Variants in ADGRF3 observed in about 807,000 individuals in gnomAD.
The protein encoded by ADGRF3 is adhesion G protein-coupled receptor F3, also known as G protein-coupled receptor 113.
In ADGRF3, 85 loss-of-function variants were observed where a neutral mutation model predicts 93.2. The ratio of observed to expected loss-of-function variants is 0.91; its 90% CI spans 0.77 to 1.09. The LOEUF (loss-of-function observed/expected upper bound fraction) is 1.09. Ranked by LOEUF, ADGRF3 falls within the 50% of genes least tolerant of loss-of-function variation. ADGRF3 has a pLI of 0.00. For synonymous variants in ADGRF3, 534 were observed against 532.5 expected (o/e 1.00, Z -0.04); for missense variants, 1,125 against 1,246.2 (o/e 0.90, Z 1.46).
chr2:26,330,990 C>A (rs551303486), intron 1 of ADGRF3, among the ~76,000 whole-genome samples: 5 of 152,132 alleles, frequency 3.3e-5, no homozygotes, highest in Non-Finnish European at 7.3e-5. Context: ...TGGGCCCCTG[C>A]GTCTCACAAT....
chr2:26,311,311 TAGG>T lies in ADGRF3; in HGVS notation c.2210_2212del (p.Ser737del). ...GTTGAGCAGGGCGGCGTGGCGGAAA[TAGG>T]AGATCTTGTTCCGCACCACGACTCT... On this transcript the variant is annotated inframe_deletion, in exon 10 of 14. Transcript: ENST00000651242. The T allele has an allele frequency of 1.2e-6, 2 of 1,613,620 alleles. No homozygotes were observed. The highest frequency in any genetic ancestry group is 2.2e-5 in the East Asian group (1 of 44,858).
chr2:26,322,030 C>T (rs1675177849), intron 1 of ADGRF3, among the ~76,000 whole-genome samples: 1 of 150,178 alleles, frequency 6.7e-6, no homozygotes, highest in Admixed American at 6.6e-5. Flanking sequence ...CCTGTAATCC[C>T]AGCACTACAC....
chr2:26,316,867 G>C (rs776606203), intron 3 of ADGRF3, 45 bp downstream of exon 3: 1 of 1,558,336 alleles, frequency 6.4e-7, no homozygotes, highest in Admixed American at 2.1e-5. Flanking sequence ...AGGCCCGGGA[G>C]CCTATGTTCA....
chr2:26,338,951 C>A (rs1000421618), intron 1 of ADGRF3, among the ~76,000 whole-genome samples: 1 of 149,620 alleles, frequency 6.7e-6, no homozygotes. Context: ...TCCTGGCCAA[C>A]ATGGTGAAAT....
chr2:26,311,510 T>C lies in ADGRF3; in HGVS notation c.2014A>G (p.Ser672Gly), dbSNP rs1674128442. The C allele has an allele frequency of 6.2e-7, 1 of 1,613,890 alleles. No homozygotes were observed. Among genetic ancestry groups the C allele is most frequent in the Non-Finnish European group, 8.5e-7 (1 of 1,179,888 alleles). Reference sequence around the variant, plus strand: ...AGGCACTGAGCAGTGGGGCTGGCACTGGCCACCTGTGCCTGGCACCCTTCT... The same window carrying C: ...AGGCACTGAGCAGTGGGGCTGGCACCGGCCACCTGTGCCTGGCACCCTTCT... ...SKEGCQAQVA[S>G]ASPTAQCLCQ... The change falls in exon 10 of 14, where the codon AGT becomes GGT. Residue 672 changes from serine to glycine, a missense_variant. By Grantham distance (56) the Ser-to-Gly change is moderately conservative. Coordinates refer to ENST00000651242, the MANE Select transcript of ADGRF3 (RefSeq NM_001321971.2).
intron 13 of ADGRF3, 73 bp downstream of exon 13, chr2:26,309,453 G>T (rs1673841406): frequency 2.5e-6 from 4 of 1,569,240 alleles, no homozygotes; most frequent in Non-Finnish European, 3.5e-6. Flanking sequence ...CCAGCACTTT[G>T]CCAGGAGGCC....
intron 1 of ADGRF3, 140 bp from the exon 2 acceptor site, chr2:26,317,702 G>A (rs1490731311): frequency 1.3e-6 from 1 of 783,370 alleles, no homozygotes; most frequent in Non-Finnish European, 2.1e-6. Context: ...ATCAGGAAGG[G>A]AAAGCAGGCT....
At chr2:26,338,662 A>C (rs1157447781) in intron 1 of ADGRF3, among the ~76,000 whole-genome samples, 2 of 152,008 alleles carry the variant, frequency 1.3e-5, no homozygotes, top group Non-Finnish European at 2.9e-5. Flanking sequence ...GGGTTTCTCC[A>C]TGTTGGCCAG....
At chr2:26,318,823 C>T in intron 1 of ADGRF3, 1 of 1,362,486 alleles carries the variant, frequency 7.3e-7, no homozygotes, top group African/African-American at 1.4e-5. Context: ...ACAAAGCATC[C>T]ACTTTCCTTA....
At chr2:26,312,172 G>T in intron 9 of ADGRF3, 98 bp from the exon 10 acceptor site, 1 of 1,219,170 alleles carries the variant, frequency 8.2e-7, no homozygotes, top group Non-Finnish European at 1.1e-6. Flanking sequence ...TCCCTTCCCA[G>T]TCCAGTGTGC....
intron 1 of ADGRF3, among the ~76,000 whole-genome samples, chr2:26,322,053 G>A (rs538629918): frequency 6.6e-6 from 1 of 150,416 alleles, no homozygotes; most frequent in Non-Finnish European, 1.5e-5. Flanking sequence ...TGGAGGCCAA[G>A]GTGGGCAGAT....
intron 1 of ADGRF3, among the ~76,000 whole-genome samples, chr2:26,331,629 C>A (rs894393931): frequency 2.0e-5 from 3 of 152,084 alleles, no homozygotes; most frequent in Non-Finnish European, 4.4e-5. Flanking sequence ...ACTTGGGAGG[C>A]GGAGGTGGGA....
At chr2:26,341,238 G>A (rs1676379572) in intron 1 of ADGRF3, among the ~76,000 whole-genome samples, 1 of 152,162 alleles carries the variant, frequency 6.6e-6, no homozygotes, top group Non-Finnish European at 1.5e-5. Flanking sequence ...AATTAGCCAG[G>A]CATGGTGGCG....
rs970569253 is a variant in ADGRF3 at position 26,313,408 on chromosome 2, G to A, written c.1238C>T (p.Ala413Val). 35 of 1,604,184 alleles carry A rather than the reference G, an allele frequency of 2.2e-5. No homozygotes were observed. The highest frequency in any genetic ancestry group is 3.4e-5 in the South Asian group (3 of 89,378). Residue 413 changes from alanine to valine, a missense_variant, in exon 8 of 14, where the codon GCG (alanine) becomes GTG (valine). Ala to Val is a moderately conservative substitution (Grantham distance 64). Transcript: ENST00000651242. ...TCTAGTGAACAAGGCCAGGAGCCTC[G>A]CATCTGTGCAGCTGCTGTGGACCGG... The part of the protein sequence containing the change: ...WGPVHSSCTD[A>V]RLLALFTRTK...
chr2:26,341,464 G>A (rs948284065), intron 1 of ADGRF3, among the ~76,000 whole-genome samples: 4 of 152,274 alleles, frequency 2.6e-5, no homozygotes, highest in Middle Eastern at 3.4e-3. Flanking sequence ...AACATAGGAA[G>A]TAGGAGGTAT....
rs144340845 is a variant in ADGRF3, at chr2:26,316,998, G to T, written c.239C>A (p.Pro80His). 2.8e-4 allele frequency: 446 copies of T among 1,613,098 alleles called. No individual in the cohort carries two copies. The African/African-American group carries it at 5.6e-3, about 20-fold the overall frequency. The change falls in exon 3 of 14, where the codon CCT (proline) becomes CAT (histidine). Residue 80 changes from proline to histidine, a missense_variant. Coordinates refer to ENST00000651242, the MANE Select transcript of ADGRF3 (RefSeq NM_001321971.2). ...HLDFPDKTWPPELSRTLTLPA... is the reference protein window; with the variant it reads ...HLDFPDKTWPHELSRTLTLPA... ...GAGAGTCAGTGTCCTGGAGAGTTCAGGGGGCCAGGTCTTATCTGGAAAGTC... is the reference window on the plus strand; with the variant it reads ...GAGAGTCAGTGTCCTGGAGAGTTCATGGGGCCAGGTCTTATCTGGAAAGTC...
In ADGRF3 at chr2:26,310,225, G is replaced by A; in HGVS notation, c.2845C>T (p.Leu949=). Residue 949 remains leucine, a synonymous_variant, in exon 11 of 14, where the codon CTA becomes TTA. Transcript: ENST00000651242. ...CTGTCCATGAGGCAACCAAACAATA[G>A]GATGAAGACGCCCTGAGAAGAGGGA... is the stretch of plus-strand genomic sequence containing the variant. ...ILNTLQGVFI[L]LFGCLMDRKI... is the part of the protein sequence containing the mutation. The A allele has an allele frequency of 6.2e-7, 1 of 1,614,020 alleles. No individual in the cohort carries two copies.
intron 1 of ADGRF3, chr2:26,318,968 G>A (rs759475626): frequency 6.4e-6 from 10 of 1,551,732 alleles, no homozygotes; most frequent in Non-Finnish European, 7.8e-6. Context: ...TCACTTACAG[G>A]TTGGGATGCT....
In ADGRF3 at chr2:26,311,966, C is replaced by T; in HGVS notation, c.1558G>A (p.Glu520Lys). 1.2e-6 allele frequency: 2 copies of T among 1,613,296 alleles called. No individual in the cohort carries two copies. Among genetic ancestry groups the T allele is most frequent in the Non-Finnish European group, 8.5e-7 (1 of 1,179,548 alleles). The change falls in exon 10 of 14, where the codon GAG becomes AAG. Residue 520 changes from glutamate (E) to lysine (K), a missense_variant. Transcript: ENST00000651242. ...WAGSTLLLAVETLACSLCPQD... is the reference protein window; with the variant it reads ...WAGSTLLLAVKTLACSLCPQD... Reference sequence around the variant, plus strand: ...GGGCACAGGCTGCATGCCAGGGTCTCCACAGCCAGCAGGAGAGTCGAGCCT... The same window carrying T: ...GGGCACAGGCTGCATGCCAGGGTCTTCACAGCCAGCAGGAGAGTCGAGCCT...
Sources: allele counts gnomAD v4.1 joint callset (sites outside exome capture counted in the v4.1 genomes callset), GRCh38; gene constraint gnomAD v4.1.1; transcripts MANE v1.5; gene names NCBI Gene and HGNC (gene_info 2026-07-23, HGNC 2026-07-21).